THSD7A: variants seen among roughly 807,000 people sequenced by gnomAD.
THSD7A encodes thrombospondin type-1 domain-containing protein 7A.
THSD7A carries 96 observed loss-of-function variants against 231.3 expected under a neutral mutation model. The observed-to-expected ratio is 0.41, with a 90% confidence interval of 0.35 to 0.49. The LOEUF (loss-of-function observed/expected upper bound fraction) is 0.49, where lower values mean the gene tolerates loss of function less well. Among genes scored for constraint, THSD7A ranks in the 20% least tolerant of loss-of-function variants. THSD7A has a pLI of 0.05. For missense variants in THSD7A, 2,290 were observed against 2,070.2 expected (o/e 1.11, Z -2.06); for synonymous variants, 940 against 743.3 (o/e 1.26, Z -4.30).
chr7:11,580,007 T>C lies in THSD7A; in HGVS notation c.1453+10453A>G, dbSNP rs146336664. ...GGCCCTTCTAAGGCCCTGGCAGAGA[T>C]GTTAGTGAGTGATTTTGAATTTGGA... On this transcript the variant is annotated intron_variant, in intron 4 of 27. Transcript: ENST00000423059. Among the ~76,000 whole-genome samples the C allele has an allele frequency of 2.3e-3, 353 of 152,264 alleles. 3 individuals carry two copies. Among genetic ancestry groups the C allele is most frequent in the African/African-American group, 8.0e-3 (334 of 41,554 alleles).
At chr7:11,731,586 T>C (rs1261001385) in intron 1 of THSD7A, among the ~76,000 whole-genome samples, 1 of 151,660 alleles carries the variant, frequency 6.6e-6, no homozygotes, top group East Asian at 1.9e-4. Flanking sequence ...TTTACTGTTT[T>C]ATCCTGCAGT....
chr7:11,580,072 G>T (rs1179814916), intron 4 of THSD7A, among the ~76,000 whole-genome samples: 1 of 151,996 alleles, frequency 6.6e-6, no homozygotes, highest in Non-Finnish European at 1.5e-5. Flanking sequence ...TAACATTTAG[G>T]GTTCTCTAAA....
At chr7:11,594,324 G>A (rs1182968443) in intron 2 of THSD7A, among the ~76,000 whole-genome samples, 1 of 152,132 alleles carries the variant, frequency 6.6e-6, no homozygotes, top group Non-Finnish European at 1.5e-5. Context: ...TCCCTCTAGA[G>A]AACCCTGACT....
chr7:11,586,472 T>C (rs73290828), intron 4 of THSD7A, among the ~76,000 whole-genome samples: 1 of 152,150 alleles, frequency 6.6e-6, no homozygotes, highest in Non-Finnish European at 1.5e-5. Context: ...ACACTTCAGG[T>C]GGAACTATCA....
At chr7:11,428,708 C>T (rs1006443952) in intron 14 of THSD7A, among the ~76,000 whole-genome samples, 1 of 152,092 alleles carries the variant, frequency 6.6e-6, no homozygotes, top group Admixed American at 6.5e-5. Context: ...TGTCATTTTT[C>T]TCCCCATTGA....
In THSD7A at chr7:11,379,211, T is replaced by C. The variant is rs751648343; in HGVS notation, c.4660A>G (p.Thr1554Ala). 5 of 1,613,592 alleles carry C rather than the reference T, an allele frequency of 3.1e-6. No individual in the cohort carries two copies. In the East Asian group the frequency reaches 1.1e-4, roughly 36 times the overall value. The change falls in exon 26 of 28, where the codon ACA becomes GCA. Residue 1554 changes from threonine to alanine, a missense_variant. Coordinates refer to ENST00000423059, the MANE Select transcript of THSD7A (RefSeq NM_015204.3). ...MSSNSTLEQCTLIPVVVLPTM... is the reference protein window; with the variant it reads ...MSSNSTLEQCALIPVVVLPTM... Reference sequence around the variant, plus strand: ...GGTAATACCACCACGGGGATAAGTGTGCATTGCTCAAGGGTGCTGTTAGAA... The same window carrying C: ...GGTAATACCACCACGGGGATAAGTGCGCATTGCTCAAGGGTGCTGTTAGAA...
chr7:11,528,895 G>A (rs558624273), intron 6 of THSD7A, among the ~76,000 whole-genome samples: 7 of 152,130 alleles, frequency 4.6e-5, no homozygotes, highest in Non-Finnish European at 8.8e-5. Context: ...ACAAGGCTAA[G>A]TACCAGCGGT....
chr7:11,464,267 G>C (rs1583790535), intron 9 of THSD7A, among the ~76,000 whole-genome samples: 1 of 151,998 alleles, frequency 6.6e-6, no homozygotes, highest in Non-Finnish European at 1.5e-5. Flanking sequence ...AAGACGTAAA[G>C]GGCTCAAATG....
At chr7:11,719,456 T>C (rs148358951) in intron 1 of THSD7A, among the ~76,000 whole-genome samples, 1 of 151,830 alleles carries the variant, frequency 6.6e-6, no homozygotes, top group African/African-American at 2.4e-5. Context: ...TGATCATTTT[T>C]TCAATTTCAT....
Position 11,541,377 on chromosome 7 carries a change from G to C in THSD7A, c.1822+42C>G, listed in dbSNP as rs774434511. ...ACAGAAAGTAAAAACATATATGCAG[G>C]GTTGGACATCCATAAAAACATAATA... On this transcript the variant is annotated intron_variant, in intron 6 of 27. Coordinates refer to ENST00000423059, the MANE Select transcript of THSD7A (RefSeq NM_015204.3). 2.5e-6 allele frequency: 4 copies of C among 1,573,770 alleles called. No individual in the cohort carries two copies. The Admixed American group carries it at 5.0e-5, about 20-fold the overall frequency.
chr7:11,590,859 T>C lies in THSD7A; in HGVS notation c.1272-218A>G, dbSNP rs944919282. ...TAAATTTAGGGTGATCCTGTTTCAATTGCAATTACTGGAAGTTACTTATAA... is the reference window on the plus strand; with the variant it reads ...TAAATTTAGGGTGATCCTGTTTCAACTGCAATTACTGGAAGTTACTTATAA... On this transcript the variant is annotated intron_variant, in intron 3 of 27. Coordinates refer to ENST00000423059, the MANE Select transcript of THSD7A (RefSeq NM_015204.3). This position sits in a 1 kb window ranked among gnomAD's most constrained non-coding sequence, Gnocchi z 4.4. Among the ~76,000 whole-genome samples the C allele has an allele frequency of 4.6e-5, 7 of 152,210 alleles. No individual in the cohort carries two copies. Among genetic ancestry groups the C allele is most frequent in the African/African-American group, 1.2e-4 (5 of 41,458 alleles).
At chr7:11,816,563 C>T (rs959585502) in intron 1 of THSD7A, among the ~76,000 whole-genome samples, 22 of 151,510 alleles carry the variant, frequency 1.5e-4, no homozygotes, top group African/African-American at 5.1e-4. Context: ...GTGGCAAACA[C>T]AGGAAGATGG....
At chr7:11,816,686 A>C (rs1784713435) in intron 1 of THSD7A, among the ~76,000 whole-genome samples, 5 of 151,838 alleles carry the variant, frequency 3.3e-5, no homozygotes. Flanking sequence ...GCTTGGCACA[A>C]AACTTTGTAA....
At chr7:11,542,863 A>G in intron 5 of THSD7A, 99 bp downstream of exon 5, 1 of 1,335,626 alleles carries the variant, frequency 7.5e-7, no homozygotes, top group Non-Finnish European at 1.0e-6. Context: ...CATTCTGGAA[A>G]ATACCACAAA....
chr7:11,523,339 G>A (rs1413591857), intron 6 of THSD7A, among the ~76,000 whole-genome samples: 1 of 151,918 alleles, frequency 6.6e-6, no homozygotes, highest in African/African-American at 2.4e-5. Context: ...ACAAGTAATG[G>A]CAAAAATCAT....
At chr7:11,479,348 T>G (rs964040302) in intron 7 of THSD7A, among the ~76,000 whole-genome samples, 8 of 152,216 alleles carry the variant, frequency 5.3e-5, no homozygotes, top group African/African-American at 1.9e-4. Flanking sequence ...ACTTTTCGCA[T>G]GGACTTGTCC....
At chr7:11,570,661 C>T (rs571506855) in intron 4 of THSD7A, among the ~76,000 whole-genome samples, 27 of 152,272 alleles carry the variant, frequency 1.8e-4, no homozygotes, top group African/African-American at 6.3e-4. Flanking sequence ...TAATATTTTA[C>T]ATCATTCAAA....
At chr7:11,537,007 C>T (rs1451640350) in intron 6 of THSD7A, among the ~76,000 whole-genome samples, 2 of 152,010 alleles carry the variant, frequency 1.3e-5, no homozygotes, top group Non-Finnish European at 2.9e-5. Context: ...ATTATCTTTC[C>T]CTATCTCTTT....
chr7:11,598,659 G>A (rs1291972236), intron 2 of THSD7A, among the ~76,000 whole-genome samples: 4 of 152,172 alleles, frequency 2.6e-5, no homozygotes, highest in Non-Finnish European at 4.4e-5. Context: ...CCAGACGGCC[G>A]TGAATGCTCT....
Sources: allele counts gnomAD v4.1 joint callset (sites outside exome capture counted in the v4.1 genomes callset), GRCh38; gene constraint gnomAD v4.1.1; non-coding constraint Gnocchi (gnomAD v3.1); transcripts MANE v1.5; gene names NCBI Gene and HGNC (gene_info 2026-07-23, HGNC 2026-07-21).